The following GLMN variants were observed in gnomAD, a reference collection of about 807,000 sequenced individuals.
GLMN encodes glomulin.
A neutral mutation model predicts 87.8 loss-of-function variants in GLMN; 75 were observed. That is an observed-to-expected ratio of 0.85 (90% CI 0.71 to 1.04). The LOEUF (loss-of-function observed/expected upper bound fraction) is 1.04. Among genes scored for constraint, GLMN ranks in the 50% least tolerant of loss-of-function variants. GLMN has a pLI of 0.00. For missense variants in GLMN, 588 were observed against 658.8 expected (o/e 0.89, Z 1.18); for synonymous variants, 206 against 221.6 (o/e 0.93, Z 0.63).
the GLMN span, among the ~76,000 whole-genome samples, chr1:92,316,115 A>G: frequency 2.6e-5 from 4 of 152,226 alleles, no homozygotes; most frequent in Non-Finnish European, 4.4e-5. Flanking sequence ...TAAATCTAAG[A>G]AGGACAAATG....
upstream of GLMN, chr1:92,301,530 T>C: frequency 1.9e-6 from 3 of 1,598,248 alleles, no homozygotes; most frequent in South Asian, 1.1e-5. Context: ...AGAGAAAAGC[T>C]CTACATATTG....
the GLMN span, among the ~76,000 whole-genome samples, chr1:92,349,866 G>A: frequency 6.6e-6 from 1 of 152,112 alleles, no homozygotes; most frequent in African/African-American, 2.4e-5. Context: ...AGATCAAGGT[G>A]CAGAGAGCCA....
At chr1:92,347,700 A>C in the GLMN span, among the ~76,000 whole-genome samples, 1 of 152,214 alleles carries the variant, frequency 6.6e-6, no homozygotes, top group Non-Finnish European at 1.5e-5. Context: ...CTAGTGTTTG[A>C]TTTTAATAGA....
chr1:92,289,565 TA>T (rs1453325839), intron 5 of GLMN, among the ~76,000 whole-genome samples: 1 of 152,206 alleles, frequency 6.6e-6, no homozygotes, highest in Non-Finnish European at 1.5e-5. Context: ...CATTCATATT[TA>T]AAACAAATTT....
intron 1 of GLMN, among the ~76,000 whole-genome samples, 199 bp downstream of exon 1, chr1:92,298,726 G>A (rs1650487351): frequency 6.6e-6 from 1 of 152,170 alleles, no homozygotes; most frequent in Non-Finnish European, 1.5e-5. Flanking sequence ...CCTCAGGGCA[G>A]CGCGCTGGAA....
chr1:92,320,186 A>C, the GLMN span, among the ~76,000 whole-genome samples: 1 of 152,168 alleles, frequency 6.6e-6, no homozygotes, highest in African/African-American at 2.4e-5. Flanking sequence ...ATTTGAACTT[A>C]ACCCTGAAAA....
At chr1:92,269,365 A>T in intron 9 of GLMN, among the ~76,000 whole-genome samples, 1 of 152,172 alleles carries the variant, frequency 6.6e-6, no homozygotes, top group East Asian at 1.9e-4. Context: ...TGAAGGAAAA[A>T]TACGGAAGAA....
the GLMN span, among the ~76,000 whole-genome samples, chr1:92,364,145 C>T: frequency 6.6e-6 from 1 of 152,048 alleles, no homozygotes; most frequent in Non-Finnish European, 1.5e-5. Context: ...ATTAAGTATC[C>T]AGATGAGGCT....
chr1:92,323,386 T>C, the GLMN span: 1 of 1,261,352 alleles, frequency 7.9e-7, no homozygotes, highest in Non-Finnish European at 1.1e-6. Context: ...TTTTCTATTG[T>C]TTTCGGGTTT....
intron 7 of GLMN, among the ~76,000 whole-genome samples, chr1:92,282,295 A>G (rs903761961): frequency 1.1e-4 from 16 of 152,244 alleles, no homozygotes; most frequent in African/African-American, 3.6e-4. Flanking sequence ...CAGTGCAATC[A>G]AATTAGAACT....
At chr1:92,278,321 C>G (rs1419650923) in intron 7 of GLMN, among the ~76,000 whole-genome samples, 1 of 152,158 alleles carries the variant, frequency 6.6e-6, no homozygotes, top group Non-Finnish European at 1.5e-5. Context: ...CAATGAAGAG[C>G]CCCCAGACTT....
intron 7 of GLMN, among the ~76,000 whole-genome samples, chr1:92,282,090 C>T (rs1163554572): frequency 6.6e-6 from 1 of 152,160 alleles, no homozygotes; most frequent in East Asian, 1.9e-4. Context: ...ACAAGGATAT[C>T]CAGGACTTGA....
intron 16 of GLMN, among the ~76,000 whole-genome samples, chr1:92,261,413 C>G (rs577650646): frequency 6.6e-6 from 1 of 152,092 alleles, no homozygotes; most frequent in South Asian, 2.1e-4. Flanking sequence ...CCCAGGAGGT[C>G]GAGGCTGCAG....
At chr1:92,301,370 T>A, upstream of GLMN, 1 of 444,414 alleles carries the variant, frequency 2.3e-6, no homozygotes, top group South Asian at 4.8e-5. Flanking sequence ...TAAATATATT[T>A]AAATTTAAGT....
chr1:92,258,359 T>C (rs1171005765), intron 16 of GLMN, among the ~76,000 whole-genome samples: 2 of 152,170 alleles, frequency 1.3e-5, no homozygotes, highest in African/African-American at 4.8e-5. Context: ...TCCTCAAGGA[T>C]CTAGAACCAG....
At chr1:92,267,298 A>G (rs997893611) in intron 11 of GLMN, among the ~76,000 whole-genome samples, 7 of 152,354 alleles carry the variant, frequency 4.6e-5, no homozygotes, top group African/African-American at 1.2e-4. Context: ...AGATCCCTAC[A>G]GAAATAAAGT....
intron 7 of GLMN, among the ~76,000 whole-genome samples, chr1:92,284,191 G>C (rs2101005673): frequency 6.6e-6 from 1 of 152,284 alleles, no homozygotes; most frequent in South Asian, 2.1e-4. Flanking sequence ...GAACAAAGCT[G>C]GAGGCATCAA....
chr1:92,324,168 A>G, the GLMN span: 2 of 1,614,200 alleles, frequency 1.2e-6, no homozygotes, highest in Non-Finnish European at 1.7e-6. Context: ...TCTCAGATCC[A>G]GATAGTCATT....
chr1:92,267,718 T>C (rs572514914), intron 11 of GLMN, among the ~76,000 whole-genome samples, 195 bp downstream of exon 11: 1 of 146,868 alleles, frequency 6.8e-6, no homozygotes, highest in Non-Finnish European at 1.5e-5. Flanking sequence ...AAAAAAAAAA[T>C]AGTTCCTTAG....
Sources: allele counts gnomAD v4.1 joint callset (sites outside exome capture counted in the v4.1 genomes callset), GRCh38; gene constraint gnomAD v4.1.1; transcripts MANE v1.5; gene names NCBI Gene and HGNC (gene_info 2026-07-23, HGNC 2026-07-21).